Variants in BRINP3 observed in about 807,000 individuals in gnomAD.
The protein encoded by BRINP3 is BMP/retinoic acid-inducible neural-specific protein 3.
Under a neutral mutation model 71.0 loss-of-function variants are expected in BRINP3, and 19 were observed. That is an observed-to-expected ratio of 0.27 (90% CI 0.19 to 0.39). The LOEUF (loss-of-function observed/expected upper bound fraction) is 0.39, where lower values mean the gene tolerates loss of function less well. Ranked by LOEUF, BRINP3 falls within the 10% of genes least tolerant of loss-of-function variation. BRINP3 has a pLI of 1.00. For synonymous variants in BRINP3, 380 were observed against 337.7 expected (o/e 1.13, Z -1.37); for missense variants, 959 against 940.8 (o/e 1.02, Z -0.25).
At chr1:190,352,859 CTG>C (rs1491588364) in intron 2 of BRINP3, among the ~76,000 whole-genome samples, 20 of 148,934 alleles carry the variant, frequency 1.3e-4, no homozygotes, top group African/African-American at 2.8e-4. Context: ...CTCTCTCTCT[CTG>C]TGTGTGTATG....
intron 2 of BRINP3, among the ~76,000 whole-genome samples, chr1:190,293,296 A>G (rs1156740444): frequency 6.6e-6 from 1 of 152,114 alleles, no homozygotes; most frequent in Non-Finnish European, 1.5e-5. Flanking sequence ...ATTCAGTAGC[A>G]TGTTGTTTTA....
intron 2 of BRINP3, among the ~76,000 whole-genome samples, chr1:190,319,035 A>G (rs1399124758): frequency 6.6e-6 from 1 of 152,126 alleles, no homozygotes; most frequent in African/African-American, 2.4e-5. Flanking sequence ...CAAGTGAAAC[A>G]CTTTTCTGCT....
chr1:190,312,999 T>C (rs1665637383), intron 2 of BRINP3, among the ~76,000 whole-genome samples: 1 of 151,896 alleles, frequency 6.6e-6, no homozygotes. Context: ...ATTAATGTCA[T>C]CAACTACAAA....
At chr1:190,155,966 AC>A (rs912830056) in intron 7 of BRINP3, among the ~76,000 whole-genome samples, 5 of 152,116 alleles carry the variant, frequency 3.3e-5, no homozygotes, top group African/African-American at 1.2e-4. Flanking sequence ...AGCAGACAAT[AC>A]AATTGCTGTA....
intron 6 of BRINP3, among the ~76,000 whole-genome samples, chr1:190,182,235 A>T (rs2102539172): frequency 6.6e-6 from 1 of 152,092 alleles, no homozygotes; most frequent in Admixed American, 6.6e-5. Flanking sequence ...TATTTGCCAA[A>T]TTTTGAAAAT....
At chr1:190,407,308 T>C (rs61818787) in intron 2 of BRINP3, among the ~76,000 whole-genome samples, 23,573 of 152,206 alleles carry the variant, frequency 0.15, 2,020 homozygotes, top group Middle Eastern at 0.21. Flanking sequence ...TCCTGGATTA[T>C]TTCTGCCATA....
At chr1:190,210,962 G>A (rs1197365113) in intron 6 of BRINP3, among the ~76,000 whole-genome samples, 1 of 152,000 alleles carries the variant, frequency 6.6e-6, no homozygotes, top group Non-Finnish European at 1.5e-5. Flanking sequence ...TCGAATATTA[G>A]ACTCCAAGTT....
chr1:190,408,401 AT>A (rs985400317), intron 2 of BRINP3, among the ~76,000 whole-genome samples: 9 of 151,672 alleles, frequency 5.9e-5, no homozygotes, highest in East Asian at 5.8e-4. Flanking sequence ...GATTTAAATT[AT>A]TTTTTTTCAA....
intron 2 of BRINP3, among the ~76,000 whole-genome samples, chr1:190,308,703 TAAG>T (rs1211224547): frequency 1.3e-5 from 2 of 152,006 alleles, no homozygotes; most frequent in African/African-American, 2.4e-5. Flanking sequence ...GACATATAAT[TAAG>T]GAGGAGAGGA....
intron 7 of BRINP3, among the ~76,000 whole-genome samples, chr1:190,148,774 TC>T (rs1656135801): frequency 6.6e-6 from 1 of 152,110 alleles, no homozygotes; most frequent in East Asian, 1.9e-4. Context: ...ATTTTTATCT[TC>T]TAAACTTTTT....
chr1:190,228,823 A>G (rs574884212), intron 5 of BRINP3, among the ~76,000 whole-genome samples: 72 of 151,848 alleles, frequency 4.7e-4, no homozygotes, highest in Non-Finnish European at 8.2e-4. Flanking sequence ...GAAACAGGAA[A>G]GCAGGAATAC....
At chr1:190,458,658 T>A (rs1676172642) in intron 1 of BRINP3, among the ~76,000 whole-genome samples, 1 of 152,040 alleles carries the variant, frequency 6.6e-6, no homozygotes, top group Non-Finnish European at 1.5e-5. Flanking sequence ...TAGAGTTTGT[T>A]TGTTACGATG....
At chr1:190,443,429 G>GAAAT (rs1480789440) in intron 2 of BRINP3, among the ~76,000 whole-genome samples, 1 of 150,926 alleles carries the variant, frequency 6.6e-6, no homozygotes, top group African/African-American at 2.4e-5. Flanking sequence ...GAAAAGAAAA[G>GAAAT]AAAAGAAAAT....
intron 7 of BRINP3, among the ~76,000 whole-genome samples, chr1:190,110,335 GA>G (rs572654726): frequency 4.0e-5 from 6 of 151,676 alleles, no homozygotes; most frequent in African/African-American, 7.2e-5. Flanking sequence ...AAAATATTGT[GA>G]AAAAAAATTG....
At chr1:190,217,543 A>G (rs1656518277) in intron 6 of BRINP3, among the ~76,000 whole-genome samples, 1 of 152,028 alleles carries the variant, frequency 6.6e-6, no homozygotes, top group Non-Finnish European at 1.5e-5. Flanking sequence ...TTATTTAGCT[A>G]TCTATACCCT....
intron 4 of BRINP3, among the ~76,000 whole-genome samples, chr1:190,263,521 T>C (rs776172246): frequency 9.9e-5 from 15 of 151,984 alleles, no homozygotes; most frequent in Non-Finnish European, 1.9e-4. Flanking sequence ...CAAAAAGATA[T>C]ACTTGGAGCA....
intron 7 of BRINP3, among the ~76,000 whole-genome samples, chr1:190,117,124 T>C (rs190943195): frequency 2.0e-5 from 3 of 152,192 alleles, no homozygotes; most frequent in South Asian, 2.1e-4. Flanking sequence ...CAATTGTTTC[T>C]TGTTAGAGAG....
intron 3 of BRINP3, among the ~76,000 whole-genome samples, chr1:190,278,173 G>A (rs1662757217): frequency 6.6e-6 from 1 of 151,582 alleles, no homozygotes; most frequent in Non-Finnish European, 1.5e-5. Flanking sequence ...GTATTTTATA[G>A]TCAACTTGTT....
In BRINP3 at chr1:190,222,114, T is replaced by C. The variant is rs554905872; in HGVS notation, c.961+3968A>G. Among the ~76,000 whole-genome samples the C allele has an allele frequency of 3.9e-5, 6 of 152,058 alleles. No individual in the cohort carries two copies. The East Asian group carries it at 1.2e-3, about 29-fold the overall frequency. On this transcript the variant is annotated intron_variant, in intron 6 of 7. Transcript: ENST00000367462. ...CATTTCACCCAACTGCTGCAGAATA[T>C]ACATTCTTTCCTTCAGTGCATGGAA...
Sources: allele counts gnomAD v4.1 joint callset (sites outside exome capture counted in the v4.1 genomes callset), GRCh38; gene constraint gnomAD v4.1.1; transcripts MANE v1.5; gene names NCBI Gene and HGNC (gene_info 2026-07-23, HGNC 2026-07-21).